MAGI1: variants seen among roughly 807,000 people sequenced by gnomAD.
MAGI1 encodes membrane-associated guanylate kinase, WW and PDZ domain-containing protein 1.
MAGI1 carries 58 observed loss-of-function variants against 139.9 expected under a neutral mutation model. The observed-to-expected ratio is 0.41, with a 90% CI of 0.34 to 0.52. MAGI1 has a LOEUF of 0.52. MAGI1 is among the 20% of genes least tolerant of loss of function. The pLI, the probability that MAGI1 is intolerant of heterozygous loss-of-function variation, is 0.12. For missense variants in MAGI1, 1,874 were observed against 1,901.6 expected (o/e 0.99, Z 0.27); for synonymous variants, 812 against 737.9 (o/e 1.10, Z -1.63).
intron 2 of MAGI1, among the ~76,000 whole-genome samples, chr3:65,614,521 C>T (rs528132824): frequency 1.3e-5 from 2 of 152,106 alleles, no homozygotes; most frequent in South Asian, 2.1e-4. Flanking sequence ...TAACAGAGTT[C>T]CTGACACATT....
chr3:65,989,087 C>G, intron 1 of MAGI1, among the ~76,000 whole-genome samples: 1 of 152,166 alleles, frequency 6.6e-6, no homozygotes, highest in East Asian at 1.9e-4. Flanking sequence ...CAGTTTTATA[C>G]CAACGCTCCA....
At chr3:65,507,699 G>A (rs899463155) in intron 2 of MAGI1, among the ~76,000 whole-genome samples, 1 of 152,148 alleles carries the variant, frequency 6.6e-6, no homozygotes, top group African/African-American at 2.4e-5. Flanking sequence ...AGACCCAGCT[G>A]ATTAACTGTT....
intron 1 of MAGI1, among the ~76,000 whole-genome samples, chr3:65,893,570 C>T (rs264668): frequency 0.24 from 36,231 of 152,038 alleles, 6,405 homozygotes; most frequent in African/African-American, 0.5. Context: ...GGGAATTACG[C>T]GAGTCCCATT....
intron 2 of MAGI1, among the ~76,000 whole-genome samples, chr3:65,581,886 C>G (rs1327428284): frequency 6.6e-6 from 1 of 152,114 alleles, no homozygotes; most frequent in Non-Finnish European, 1.5e-5. Flanking sequence ...AACAATTTTC[C>G]TTCCAATCCT....
intron 2 of MAGI1, among the ~76,000 whole-genome samples, chr3:65,556,009 T>A (rs2080069287): frequency 6.6e-6 from 1 of 152,220 alleles, no homozygotes; most frequent in Non-Finnish European, 1.5e-5. Context: ...CACGTTATGC[T>A]TGATTCTTTG....
chr3:65,789,252 C>G (rs1241074456), intron 1 of MAGI1, among the ~76,000 whole-genome samples: 2 of 152,076 alleles, frequency 1.3e-5, no homozygotes, highest in African/African-American at 2.4e-5. Context: ...GAAAGGAAAG[C>G]AAGTACATAA....
At chr3:65,591,035 C>T (rs1413995156) in intron 2 of MAGI1, among the ~76,000 whole-genome samples, 1 of 152,148 alleles carries the variant, frequency 6.6e-6, no homozygotes, top group African/African-American at 2.4e-5. Context: ...GAAGAATTCA[C>T]AATACACACA....
chr3:65,736,370 A>T (rs55983380), intron 1 of MAGI1, among the ~76,000 whole-genome samples: 1,669 of 152,306 alleles, frequency 0.011, 28 homozygotes, highest in African/African-American at 0.038. Flanking sequence ...AGAGAAACAG[A>T]ACCAATAGGA....
At chr3:65,779,342 A>C (rs527457646) in intron 1 of MAGI1, among the ~76,000 whole-genome samples, 11 of 152,230 alleles carry the variant, frequency 7.2e-5, no homozygotes, top group Non-Finnish European at 1.3e-4. Context: ...AGCAAGTCCC[A>C]AATTTGCTTC....
chr3:65,588,212 A>T (rs963497098), intron 2 of MAGI1, among the ~76,000 whole-genome samples: 3 of 152,186 alleles, frequency 2.0e-5, no homozygotes, highest in Non-Finnish European at 4.4e-5. Context: ...ATTTTCCAAG[A>T]ATATAGATAG....
In MAGI1 at chr3:65,731,539, C is replaced by T. The variant is rs373239588; in HGVS notation, c.314-109451G>A. Among the ~76,000 whole-genome samples the T allele has an allele frequency of 5.3e-5, 8 of 151,060 alleles. No homozygotes were observed. In the East Asian group the frequency reaches 5.9e-4, roughly 11 times the overall value. On this transcript the variant is annotated intron_variant, in intron 1 of 22. Transcript: ENST00000402939. ...GCATGGTGGTGCATGCCTGTAGTCC[C>T]AGCTACTGGGGCGGCTGAGGTGGGA...
At chr3:65,510,043 C>A (rs895796890) in intron 2 of MAGI1, among the ~76,000 whole-genome samples, 7 of 152,074 alleles carry the variant, frequency 4.6e-5, no homozygotes, top group Admixed American at 3.3e-4. Context: ...AGCAGGGGCA[C>A]ACTGACACCT....
chr3:65,603,809 TC>T (rs1438271075), intron 2 of MAGI1, among the ~76,000 whole-genome samples: 2 of 152,194 alleles, frequency 1.3e-5, no homozygotes, highest in Non-Finnish European at 2.9e-5. Context: ...GCCTGGTCTC[TC>T]CTTCCAAGAT....
chr3:65,923,125 T>C (rs1330885573), intron 1 of MAGI1, among the ~76,000 whole-genome samples: 1 of 152,164 alleles, frequency 6.6e-6, no homozygotes, highest in Non-Finnish European at 1.5e-5. Context: ...GCAAAAGATT[T>C]CTAATTCTTC....
At chr3:65,440,841 A>G (rs1180763162) in intron 8 of MAGI1, among the ~76,000 whole-genome samples, 2 of 141,784 alleles carry the variant, frequency 1.4e-5, no homozygotes, top group African/African-American at 5.6e-5. Flanking sequence ...ACATATACAT[A>G]TATACATATG....
chr3:65,657,811 C>A (rs978892294), intron 1 of MAGI1, among the ~76,000 whole-genome samples: 1 of 152,162 alleles, frequency 6.6e-6, no homozygotes, highest in African/African-American at 2.4e-5. Flanking sequence ...GAAGTGATAG[C>A]ATGAAAACTT....
intron 5 of MAGI1, among the ~76,000 whole-genome samples, chr3:65,467,793 C>G (rs1384817875): frequency 6.6e-6 from 1 of 152,198 alleles, no homozygotes; most frequent in African/African-American, 2.4e-5. Context: ...CACCTATTAT[C>G]CTTCCCTTTT....
chr3:65,359,476 A>T (rs1249541173), intron 22 of MAGI1: 1 of 1,099,184 alleles, frequency 9.1e-7, no homozygotes, highest in East Asian at 5.2e-5. Context: ...CTGGCATAGG[A>T]GAGCATTAAC....
chr3:65,520,917 A>C (rs923015951), intron 2 of MAGI1, among the ~76,000 whole-genome samples: 8 of 152,174 alleles, frequency 5.3e-5, no homozygotes, highest in Non-Finnish European at 8.8e-5. Flanking sequence ...TAACACTATC[A>C]CATCTATTTT....
Sources: gnomAD v4.1 joint callset for allele counts (sites outside exome capture counted in the v4.1 genomes callset) on GRCh38, gnomAD v4.1.1 for gene constraint, MANE v1.5 for transcripts, NCBI Gene and HGNC (gene_info 2026-07-23, HGNC 2026-07-21) for gene names.